Variants in MIER1 observed in about 807,000 individuals in gnomAD.
MIER1 encodes mesoderm induction early response protein 1.
A neutral mutation model predicts 75.7 loss-of-function variants in MIER1; 40 were observed. The ratio of observed to expected loss-of-function variants is 0.53; its 90% CI spans 0.41 to 0.69. The LOEUF (loss-of-function observed/expected upper bound fraction) is 0.69, where lower values mean the gene tolerates loss of function less well. Ranked by LOEUF, MIER1 falls within the 30% of genes least tolerant of loss-of-function variation. The pLI is 0.00. For missense variants in MIER1, 574 were observed against 680.2 expected, an observed-to-expected ratio of 0.84 and a Z score of 1.74; for synonymous variants, 213 against 223.4, an observed-to-expected ratio of 0.95 and a Z score of 0.42.
At chr1:66,946,388 A>G in intron 4 of MIER1, 93 bp downstream of exon 4, 1 of 1,456,996 alleles carries the variant, frequency 6.9e-7, no homozygotes, top group Middle Eastern at 2.5e-4. Context: ...TAGGAGAGAA[A>G]TTGTGTTATA....
chr1:66,974,379 AAAG>A (rs1175842767), intron 11 of MIER1, among the ~76,000 whole-genome samples: 2 of 152,140 alleles, frequency 1.3e-5, no homozygotes, highest in Non-Finnish European at 2.9e-5. Context: ...AAAAAAGAAA[AAAG>A]TTCGTTGTTT....
chr1:66,973,551 G>T (rs1664114964), intron 11 of MIER1, among the ~76,000 whole-genome samples: 1 of 151,886 alleles, frequency 6.6e-6, no homozygotes, highest in African/African-American at 2.4e-5. Context: ...ATCATTTCAT[G>T]TTGATAATAT....
Position 66,985,814 on chromosome 1 carries a change from ATTTTTTTTT to A in MIER1, c.*929_*937del. On this transcript the variant is annotated 3_prime_UTR_variant, in exon 14 of 14. Coordinates refer to ENST00000401041, the MANE Select transcript of MIER1 (RefSeq NM_001077700.3). ...TAAAGCATTCATAAAGGATTATAAA[ATTTTTTTTT>A]TTTTTTTTTTTTTTAAATTTCTACT... is the stretch of plus-strand genomic sequence containing the variant. 1.6e-6 allele frequency: 1 copy of A among 629,882 alleles called. No individual in the cohort carries two copies. The highest frequency in any genetic ancestry group is 1.9e-6 in the Non-Finnish European group (1 of 517,374). 39.0% of individuals were successfully genotyped at this position (629,882 alleles called of 1,614,324 possible). A position where few individuals can be genotyped will look rare whatever the true frequency, so the allele number is the denominator to read the frequency against.
At chr1:66,934,405 C>CTTTTTTT (rs34839262) in intron 2 of MIER1, among the ~76,000 whole-genome samples, 2 of 135,514 alleles carry the variant, frequency 1.5e-5, no homozygotes, top group Non-Finnish European at 3.1e-5. Context: ...TTCTTTCTTT[C>CTTTTTTT]TTTTTTTTTT....
intron 2 of MIER1, among the ~76,000 whole-genome samples, chr1:66,932,147 A>T (rs1437855147): frequency 6.6e-6 from 1 of 152,198 alleles, no homozygotes; most frequent in Non-Finnish European, 1.5e-5. Flanking sequence ...AAAATTAAAG[A>T]TGGTTGCGTT....
chr1:66,983,971 G>A (rs975788118), intron 13 of MIER1, among the ~76,000 whole-genome samples: 3 of 152,140 alleles, frequency 2.0e-5, no homozygotes, highest in Non-Finnish European at 2.9e-5. Context: ...TGATACACCC[G>A]CCTTGGCCTC....
Position 66,959,661 on chromosome 1 carries a change from G to A in MIER1, c.635-18G>A, listed in dbSNP as rs1381922975. The A allele has an allele frequency of 4.2e-6, 5 of 1,187,642 alleles. No individual in the cohort carries two copies. Among genetic ancestry groups the A allele is most frequent in the Non-Finnish European group, 4.7e-6 (4 of 847,710 alleles). The allele number at this position is 1,187,642 out of a possible 1,614,324, so 73.6% of individuals were successfully genotyped here. Reference sequence around the variant, plus strand: ...GATAAGCAGTCATTTTATAGTATTGGTGTCTTATTTATTCTAGATAGTGAA... The same window carrying A: ...GATAAGCAGTCATTTTATAGTATTGATGTCTTATTTATTCTAGATAGTGAA... On this transcript the variant is annotated intron_variant, in intron 6 of 13. Coordinates refer to ENST00000401041, the MANE Select transcript of MIER1 (RefSeq NM_001077700.3).
intron 4 of MIER1, among the ~76,000 whole-genome samples, chr1:66,951,679 A>G (rs1418327156): frequency 2.0e-5 from 3 of 151,970 alleles, no homozygotes; most frequent in Non-Finnish European, 4.4e-5. Flanking sequence ...TCCTGCGTTC[A>G]TGCCTTTCTC....
intron 2 of MIER1, among the ~76,000 whole-genome samples, chr1:66,928,082 T>C (rs905781291): frequency 5.3e-5 from 8 of 152,080 alleles, no homozygotes; most frequent in Non-Finnish European, 1.5e-5. Context: ...GTTTCTTTTT[T>C]ATAATATCTG....
chr1:66,959,056 T>C lies in MIER1; in HGVS notation c.634+73T>C, dbSNP rs982597863. On this transcript the variant is annotated intron_variant, in intron 6 of 13. Coordinates refer to ENST00000401041, the MANE Select transcript of MIER1 (RefSeq NM_001077700.3). ...AGGTATTACCTAAAATCCTCTTTTT[T>C]AAACTGGTCTTTGAATTCATTTAGT... 28 of 1,233,144 alleles carry C rather than the reference T, an allele frequency of 2.3e-5. 1 individual carries two copies. Among genetic ancestry groups the C allele is most frequent in the Non-Finnish European group, 3.1e-5 (27 of 863,578 alleles). 76.4% of individuals were successfully genotyped at this position (1,233,144 alleles called of 1,614,324 possible).
chr1:66,957,883 T>C (rs1660486778), intron 4 of MIER1, among the ~76,000 whole-genome samples, 176 bp from the exon 5 acceptor site: 1 of 152,160 alleles, frequency 6.6e-6, no homozygotes, highest in Non-Finnish European at 1.5e-5. Context: ...ACTTAAAAGA[T>C]TGGGATATTC....
intron 10 of MIER1, among the ~76,000 whole-genome samples, chr1:66,972,584 C>A (rs1663926883): frequency 6.6e-6 from 1 of 151,776 alleles, no homozygotes; most frequent in South Asian, 2.1e-4. Flanking sequence ...AGGAGAGACA[C>A]CATGCACAAA....
intron 8 of MIER1, among the ~76,000 whole-genome samples, chr1:66,964,011 A>G (rs1218414874): frequency 6.6e-6 from 1 of 151,114 alleles, no homozygotes; most frequent in Non-Finnish European, 1.5e-5. Flanking sequence ...TTTTTTTTCC[A>G]TTTCATTTCA....
chr1:66,981,823 C>G lies in MIER1; in HGVS notation c.1274C>G (p.Ser425Cys). Residue 425 changes from serine to cysteine, a missense_variant, in exon 13 of 14, where the codon TCT becomes TGT. Transcript: ENST00000401041. ...RLLDESESAASSRAPSPPPTA... is the reference protein window; with the variant it reads ...RLLDESESAACSRAPSPPPTA... ...CTAGACGAAAGTGAAAGTGCTGCAT[C>G]TAGTCGAGCACCATCCCCTCCCCCA... 6.2e-7 allele frequency: 1 copy of G among 1,613,958 alleles called. No individual in the cohort carries two copies. The highest frequency in any genetic ancestry group is 1.1e-5 in the South Asian group (1 of 91,062).
At chr1:66,938,827 C>A (rs1484841250) in intron 2 of MIER1, among the ~76,000 whole-genome samples, 1 of 151,996 alleles carries the variant, frequency 6.6e-6, no homozygotes, top group Non-Finnish European at 1.5e-5. Flanking sequence ...AAGAATTTAA[C>A]AGAAAAAGTA....
Position 66,985,355 on chromosome 1 carries a change from A to G in MIER1, c.*455A>G. On this transcript the variant is annotated 3_prime_UTR_variant, in exon 14 of 14. Coordinates refer to ENST00000401041, the MANE Select transcript of MIER1 (RefSeq NM_001077700.3). ...TCTCTGAGTTTCTTGAAATGTCTTT[A>G]AAACAGACATTTTTCTCACCAAACA... 1.0e-6 allele frequency: 1 copy of G among 985,246 alleles called. No individual in the cohort carries two copies. Among genetic ancestry groups the G allele is most frequent in the Non-Finnish European group, 1.2e-6 (1 of 829,662 alleles). 61.0% of individuals were successfully genotyped at this position (985,246 alleles called of 1,614,324 possible). A position where few individuals can be genotyped will look rare whatever the true frequency, so the allele number is the denominator to read the frequency against.
At chr1:66,945,267 G>GTATATATA (rs66525570) in intron 3 of MIER1, among the ~76,000 whole-genome samples, 14 of 141,854 alleles carry the variant, frequency 9.9e-5, no homozygotes, top group South Asian at 2.2e-4. Flanking sequence ...TCTGGTGTGT[G>GTATATATA]TATATATATA....
intron 2 of MIER1, among the ~76,000 whole-genome samples, chr1:66,933,402 T>C (rs1309475617): frequency 6.6e-6 from 1 of 152,180 alleles, no homozygotes; most frequent in Non-Finnish European, 1.5e-5. Flanking sequence ...TAGGCCACAT[T>C]TCTGTGATAT....
chr1:66,935,302 A>G (rs983183717), intron 2 of MIER1, among the ~76,000 whole-genome samples: 1 of 152,196 alleles, frequency 6.6e-6, no homozygotes, highest in African/African-American at 2.4e-5. Context: ...TTATCAACTA[A>G]ATCATACAAA....
Sources: gnomAD v4.1 joint callset for allele counts (sites outside exome capture counted in the v4.1 genomes callset) on GRCh38, gnomAD v4.1.1 for gene constraint, MANE v1.5 for transcripts, NCBI Gene and HGNC (gene_info 2026-07-23, HGNC 2026-07-21) for gene names.